Variants in TULP4 observed in about 807,000 individuals in gnomAD.
TULP4 encodes TUB like protein 4.
TULP4 carries 16 observed loss-of-function variants against 129.0 expected under a neutral mutation model. That is an observed-to-expected ratio of 0.12 (90% CI 0.08 to 0.19). The LOEUF is 0.19. Among genes scored for constraint, TULP4 ranks in the 10% least tolerant of loss-of-function variants. The pLI is 1.00. For missense variants in TULP4, 1,842 were observed against 2,059.1 expected (o/e 0.89, Z 2.04); for synonymous variants, 998 against 854.0 (o/e 1.17, Z -2.94).
intron 1 of TULP4, among the ~76,000 whole-genome samples, chr6:158,240,361 C>A: frequency 1.2e-5 from 1 of 81,036 alleles, no homozygotes; most frequent in Non-Finnish European, 2.7e-5. Flanking sequence ...CCCCCACCTC[C>A]CTCCCGGACC....
At chr6:158,342,947 ATGTGTGTGTGTGTG>A (rs5881254) in intron 1 of TULP4, among the ~76,000 whole-genome samples, 77,621 of 147,540 alleles carry the variant, frequency 0.53, 20,369 homozygotes, top group South Asian at 0.6. Context: ...TTAAAAATAA[ATGTGTGTGTGTGTG>A]TGTGTGTGTG....
At chr6:158,322,174 T>C (rs991018553) in intron 1 of TULP4, among the ~76,000 whole-genome samples, 7 of 152,242 alleles carry the variant, frequency 4.6e-5, no homozygotes, top group African/African-American at 1.4e-4. Context: ...AGTTGACTCA[T>C]TTTGGATTAA....
At chr6:158,264,647 C>T (rs1428067583) in intron 1 of TULP4, among the ~76,000 whole-genome samples, 2 of 152,078 alleles carry the variant, frequency 1.3e-5, no homozygotes, top group Non-Finnish European at 2.9e-5. Context: ...GACTAGGAAA[C>T]ATTTTTTCAG....
chr6:158,504,349 A>AT (rs11435476), intron 13 of TULP4, among the ~76,000 whole-genome samples, 171 bp downstream of exon 13: 27,518 of 146,860 alleles, frequency 0.19, 2,955 homozygotes, highest in African/African-American at 0.31. Flanking sequence ...GCTGTCTTGT[A>AT]TTTTTTTTTT....
intron 1 of TULP4, among the ~76,000 whole-genome samples, chr6:158,342,676 T>C (rs1282002628): frequency 6.6e-6 from 1 of 152,210 alleles, no homozygotes; most frequent in East Asian, 1.9e-4. Context: ...AAGGGTGGAT[T>C]GAAGGCACCA....
At chr6:158,393,606 A>G (rs1392660730) in intron 1 of TULP4, among the ~76,000 whole-genome samples, 1 of 152,168 alleles carries the variant, frequency 6.6e-6, no homozygotes, top group African/African-American at 2.4e-5. Flanking sequence ...TATAGAAGCT[A>G]CTGAGGCTTT....
intron 1 of TULP4, among the ~76,000 whole-genome samples, chr6:158,318,472 A>G (rs1779543061): frequency 1.3e-5 from 2 of 152,218 alleles, no homozygotes. Context: ...GGTTTCAGAC[A>G]TCTTACCTCA....
chr6:158,475,596 C>A (rs1024091098), intron 6 of TULP4, among the ~76,000 whole-genome samples: 1 of 152,152 alleles, frequency 6.6e-6, no homozygotes, highest in Non-Finnish European at 1.5e-5. Context: ...TGTTCTGCTG[C>A]GGCTCAGCCT....
chr6:158,261,142 G>C (rs547644525), intron 1 of TULP4, among the ~76,000 whole-genome samples: 128 of 152,240 alleles, frequency 8.4e-4, no homozygotes, highest in Non-Finnish European at 1.5e-3. Context: ...CTAGATCAGT[G>C]CTCTCCAGGA....
At chr6:158,308,717 G>GC (rs1779266291), upstream of TULP4, among the ~76,000 whole-genome samples, 1 of 145,198 alleles carries the variant, frequency 6.9e-6, no homozygotes. Context: ...GGGCAGAGGC[G>GC]CCCCTCACCT....
chr6:158,328,675 G>A (rs1779804273), intron 1 of TULP4, among the ~76,000 whole-genome samples: 1 of 152,164 alleles, frequency 6.6e-6, no homozygotes, highest in African/African-American at 2.4e-5. Context: ...TGTCCCCGCT[G>A]TGTGGGGAGG....
intron 1 of TULP4, among the ~76,000 whole-genome samples, chr6:158,257,728 C>T (rs1778275271): frequency 6.6e-6 from 1 of 152,182 alleles, no homozygotes; most frequent in African/African-American, 2.4e-5. Context: ...GAAGCTGTAC[C>T]CTCCATGTAT....
intron 1 of TULP4, among the ~76,000 whole-genome samples, chr6:158,384,272 A>G (rs948906514): frequency 6.7e-6 from 1 of 149,782 alleles, no homozygotes; most frequent in Admixed American, 6.7e-5. Flanking sequence ...TTGTGTAAGA[A>G]CCACATGCCT....
At chr6:158,232,798 GA>G (rs200597321) in intron 1 of TULP4, among the ~76,000 whole-genome samples, 2 of 151,096 alleles carry the variant, frequency 1.3e-5, no homozygotes, top group Non-Finnish European at 1.5e-5. Flanking sequence ...TCCCCTGCCG[GA>G]CCAGTCTCCC....
chr6:158,483,606 C>G (rs1779997733), intron 8 of TULP4, among the ~76,000 whole-genome samples: 1 of 152,164 alleles, frequency 6.6e-6, no homozygotes, highest in Non-Finnish European at 1.5e-5. Flanking sequence ...AACCACCATG[C>G]CTGTCCCCAA....
At chr6:158,318,192 G>T (rs1370771761) in intron 1 of TULP4, among the ~76,000 whole-genome samples, 1 of 152,096 alleles carries the variant, frequency 6.6e-6, no homozygotes, top group Admixed American at 6.6e-5. Flanking sequence ...GGGCATGGTG[G>T]CACATGCTTG....
intron 1 of TULP4, among the ~76,000 whole-genome samples, chr6:158,270,681 C>A (rs901139923): frequency 1.3e-5 from 2 of 152,190 alleles, no homozygotes; most frequent in Non-Finnish European, 2.9e-5. Flanking sequence ...TGATGCTTGC[C>A]TCCTTTTAAG....
At chr6:158,246,156 G>C (rs1778027621) in intron 1 of TULP4, among the ~76,000 whole-genome samples, 1 of 151,926 alleles carries the variant, frequency 6.6e-6, no homozygotes, top group Non-Finnish European at 1.5e-5. Context: ...GAAAGGGGAA[G>C]ACATTCCAGG....
intron 8 of TULP4, among the ~76,000 whole-genome samples, chr6:158,486,478 G>A (rs1319698769): frequency 6.6e-6 from 1 of 152,036 alleles, no homozygotes; most frequent in Non-Finnish European, 1.5e-5. Context: ...GCGTGAACCT[G>A]GGAGGCGGAG....
Sources: gnomAD v4.1 joint callset for allele counts (sites outside exome capture counted in the v4.1 genomes callset) on GRCh38, gnomAD v4.1.1 for gene constraint, MANE v1.5 for transcripts, NCBI Gene and HGNC (gene_info 2026-07-23, HGNC 2026-07-21) for gene names.